Variants in GALNT2 observed in about 807,000 individuals in gnomAD.
GALNT2 encodes the protein UDP-GalNAc:polypeptide N-acetylgalactosaminyltransferase 2.
A neutral mutation model predicts 81.4 loss-of-function variants in GALNT2; 31 were observed. That is an observed-to-expected ratio of 0.38 (90% confidence interval 0.29 to 0.51). The LOEUF is 0.51. GALNT2 is among the 20% of genes least tolerant of loss of function. The probability of loss-of-function intolerance (pLI) is 0.87; values close to 1 mark genes in which losing one functional copy is unlikely to be tolerated. For synonymous variants in GALNT2, 303 were observed against 287.4 expected, an observed-to-expected ratio of 1.05 and a Z score of -0.55; for missense variants, 629 against 765.7, an observed-to-expected ratio of 0.82 and a Z score of 2.11.
At chr1:230,227,281 T>G (rs767657700) in intron 3 of GALNT2, among the ~76,000 whole-genome samples, 3 of 152,022 alleles carry the variant, frequency 2.0e-5, no homozygotes, top group Non-Finnish European at 4.4e-5. Context: ...CCAGACTGTT[T>G]CAGAGAATAG....
At chr1:230,117,293 T>A (rs1290726143) in intron 1 of GALNT2, among the ~76,000 whole-genome samples, 1 of 152,248 alleles carries the variant, frequency 6.6e-6, no homozygotes, top group Non-Finnish European at 1.5e-5. Flanking sequence ...TGATCTTCTA[T>A]CCAGACTGCT....
At chr1:230,238,519 G>A (rs955499984) in intron 6 of GALNT2, among the ~76,000 whole-genome samples, 12 of 152,176 alleles carry the variant, frequency 7.9e-5, no homozygotes, top group African/African-American at 2.9e-4. Flanking sequence ...AATCTAAAGA[G>A]GCTAGGTGGC....
intron 1 of GALNT2, among the ~76,000 whole-genome samples, chr1:230,147,031 TTCAGCTGTGGCAG>T (rs1170676521): frequency 1.3e-4 from 20 of 152,190 alleles, no homozygotes; most frequent in Admixed American, 8.5e-4. Context: ...GAAGCAGGCC[TTCAGCTGTGGCAG>T]GGTGAATTGG....
chr1:230,239,641 A>G (rs1418667362), intron 6 of GALNT2, among the ~76,000 whole-genome samples: 1 of 152,184 alleles, frequency 6.6e-6, no homozygotes, highest in African/African-American at 2.4e-5. Flanking sequence ...GATTGAGGGT[A>G]GTTCATTTAC....
chr1:230,066,466 A>C (rs1001777157), upstream of GALNT2, among the ~76,000 whole-genome samples: 2 of 152,250 alleles, frequency 1.3e-5, no homozygotes, highest in Non-Finnish European at 2.9e-5. Flanking sequence ...TAGCTCTGTC[A>C]CCCACAGAAA....
chr1:230,147,499 A>G (rs949582482), intron 1 of GALNT2, among the ~76,000 whole-genome samples: 4 of 152,200 alleles, frequency 2.6e-5, no homozygotes, highest in Admixed American at 6.5e-5. Context: ...CTCCCTTGAA[A>G]GCATGGCCTG....
chr1:230,272,702 G>A (rs868148233), intron 14 of GALNT2, among the ~76,000 whole-genome samples: 14 of 152,220 alleles, frequency 9.2e-5, no homozygotes, highest in Middle Eastern at 6.8e-3. Flanking sequence ...GGTGCATCCC[G>A]CCAGTGGTTG....
At chr1:230,192,967 C>T (rs1248733978) in intron 2 of GALNT2, among the ~76,000 whole-genome samples, 1 of 152,180 alleles carries the variant, frequency 6.6e-6, no homozygotes, top group African/African-American at 2.4e-5. Context: ...GCCTTGTCCT[C>T]GTCTTTTCTT....
At chr1:230,156,707 G>C (rs1023298965) in intron 1 of GALNT2, among the ~76,000 whole-genome samples, 1 of 152,120 alleles carries the variant, frequency 6.6e-6, no homozygotes, top group Non-Finnish European at 1.5e-5. Flanking sequence ...TGTGGAACTC[G>C]GGGCCATGGT....
chr1:230,261,118 G>A (rs1394537424), intron 11 of GALNT2, among the ~76,000 whole-genome samples: 2 of 137,978 alleles, frequency 1.4e-5, no homozygotes, highest in Non-Finnish European at 3.0e-5. Context: ...AAACAAAGCA[G>A]AAGTGAGCAT....
intron 3 of GALNT2, among the ~76,000 whole-genome samples, chr1:230,214,160 T>A (rs1320105475): frequency 6.6e-6 from 1 of 151,756 alleles, no homozygotes; most frequent in Non-Finnish European, 1.5e-5. Flanking sequence ...TTGCCCAGGC[T>A]GGAGTGCAGT....
At chr1:230,066,588 A>G (rs1014184328), upstream of GALNT2, among the ~76,000 whole-genome samples, 2 of 152,218 alleles carry the variant, frequency 1.3e-5, no homozygotes, top group African/African-American at 4.8e-5. Context: ...TTGCTGCAAG[A>G]TTAGTGAGAA....
chr1:230,277,075 A>G (rs1666323707), intron 15 of GALNT2, among the ~76,000 whole-genome samples: 6 of 152,240 alleles, frequency 3.9e-5, no homozygotes, highest in African/African-American at 9.6e-5. Flanking sequence ...GTTTTGGGGA[A>G]CCATAACTGA....
chr1:230,074,154 A>G (rs947121466), intron 1 of GALNT2, among the ~76,000 whole-genome samples: 1 of 151,464 alleles, frequency 6.6e-6, no homozygotes, highest in African/African-American at 2.4e-5. Flanking sequence ...GCTCAGTGGT[A>G]CAACCAGAGC....
chr1:230,265,687 A>G (rs914681895), intron 14 of GALNT2, among the ~76,000 whole-genome samples: 2 of 152,280 alleles, frequency 1.3e-5, no homozygotes, highest in South Asian at 2.1e-4. Context: ...TGTGCACTCA[A>G]CCGCAAAGCA....
intron 8 of GALNT2, among the ~76,000 whole-genome samples, chr1:230,248,828 C>T (rs934010569): frequency 1.3e-5 from 2 of 152,156 alleles, no homozygotes; most frequent in African/African-American, 4.8e-5. Context: ...GCTCTTTTTC[C>T]TCACATCCTT....
At chr1:230,084,255 G>A (rs1659835494) in intron 1 of GALNT2, among the ~76,000 whole-genome samples, 1 of 152,128 alleles carries the variant, frequency 6.6e-6, no homozygotes, top group African/African-American at 2.4e-5. Flanking sequence ...GGACGGTCAC[G>A]CCAATATCAG....
At chr1:230,058,424 T>C (rs1339044850) in intron 1 of GALNT2, among the ~76,000 whole-genome samples, 1 of 152,062 alleles carries the variant, frequency 6.6e-6, no homozygotes, top group African/African-American at 2.4e-5. Context: ...TGCCCCACCC[T>C]CTCCAGATAG....
At chr1:230,268,606 G>C (rs979837398) in intron 14 of GALNT2, 1 of 152,328 alleles carries the variant, frequency 6.6e-6, no homozygotes, top group African/African-American at 2.4e-5. Flanking sequence ...TCCCCTGTGC[G>C]TCAGGCTCTG....
Sources: allele counts gnomAD v4.1 joint callset (sites outside exome capture counted in the v4.1 genomes callset), GRCh38; gene constraint gnomAD v4.1.1; transcripts MANE v1.5; gene names NCBI Gene and HGNC (gene_info 2026-07-23, HGNC 2026-07-21).